Variants in MAML2 observed in about 807,000 individuals in gnomAD.
MAML2 encodes the protein mastermind like transcriptional coactivator 2, also known as mastermind-like protein 2.
In MAML2, 22 loss-of-function variants were observed where a neutral mutation model predicts 96.1. The ratio of observed to expected loss-of-function variants is 0.23; its 90% CI spans 0.16 to 0.33. The LOEUF (loss-of-function observed/expected upper bound fraction) is 0.33. Among genes scored for constraint, MAML2 ranks in the 10% least tolerant of loss-of-function variants. The probability of loss-of-function intolerance (pLI) is 1.00; values close to 1 mark genes in which losing one functional copy is unlikely to be tolerated. For synonymous variants in MAML2, 561 were observed against 521.3 expected (o/e 1.08, Z -1.04); for missense variants, 1,367 against 1,392.4 (o/e 0.98, Z 0.29).
intron 2 of MAML2, among the ~76,000 whole-genome samples, chr11:96,079,417 T>C (rs1200315245): frequency 6.6e-6 from 1 of 152,188 alleles, no homozygotes; most frequent in Non-Finnish European, 1.5e-5. Flanking sequence ...GTATTTAAGC[T>C]TTTTGGCTGA....
chr11:96,274,127 G>A (rs1256137548), intron 1 of MAML2, among the ~76,000 whole-genome samples: 1 of 141,172 alleles, frequency 7.1e-6, no homozygotes, highest in Non-Finnish European at 1.5e-5. Flanking sequence ...CTGTAGCTCA[G>A]GCTGGAGTGC....
At chr11:95,993,928 G>GTAT (rs1263172091) in intron 2 of MAML2, among the ~76,000 whole-genome samples, 1 of 152,158 alleles carries the variant, frequency 6.6e-6, no homozygotes, top group Admixed American at 6.6e-5. Flanking sequence ...GCAAGAACTT[G>GTAT]TATTATTAAC....
chr11:96,218,488 C>G (rs1278364098), intron 1 of MAML2, among the ~76,000 whole-genome samples: 1 of 152,042 alleles, frequency 6.6e-6, no homozygotes, highest in Non-Finnish European at 1.5e-5. Flanking sequence ...TATTTTAAGG[C>G]CAGAATTTCT....
intron 1 of MAML2, among the ~76,000 whole-genome samples, chr11:96,315,195 C>G (rs776728623): frequency 5.4e-5 from 8 of 147,192 alleles, no homozygotes; most frequent in African/African-American, 7.8e-5. Context: ...ATTCATGGTC[C>G]TAATGTAGAT....
chr11:96,316,434 T>G (rs1863634341), intron 1 of MAML2, among the ~76,000 whole-genome samples: 1 of 151,924 alleles, frequency 6.6e-6, no homozygotes, highest in African/African-American at 2.4e-5. Flanking sequence ...AGAAGAGTAA[T>G]CTCTTTAGGA....
chr11:96,163,423 A>G (rs1365429473), intron 1 of MAML2, among the ~76,000 whole-genome samples: 1 of 152,214 alleles, frequency 6.6e-6, no homozygotes, highest in African/African-American at 2.4e-5. Context: ...TTATACCCAC[A>G]ATATCATTCT....
chr11:96,299,060 A>AAAATATATATATATATATAT (rs55878534), intron 1 of MAML2, among the ~76,000 whole-genome samples: 75 of 56,296 alleles, frequency 1.3e-3, no homozygotes, highest in Admixed American at 2.0e-3. Context: ...AAAAAAAAAA[A>AAAATATATATATATATATAT]ATATATATAT....
At chr11:96,336,087 A>G (rs1863916759) in intron 1 of MAML2, among the ~76,000 whole-genome samples, 1 of 152,186 alleles carries the variant, frequency 6.6e-6, no homozygotes, top group South Asian at 2.1e-4. Context: ...TTGCAGATGA[A>G]AATACTGATG....
intron 1 of MAML2, among the ~76,000 whole-genome samples, chr11:96,150,953 C>T (rs572688020): frequency 2.0e-5 from 3 of 152,204 alleles, no homozygotes; most frequent in Non-Finnish European, 4.4e-5. Flanking sequence ...AAGCCCCTCC[C>T]TAGACCTACC....
chr11:96,322,290 G>C (rs931486871), intron 1 of MAML2, among the ~76,000 whole-genome samples: 2 of 152,114 alleles, frequency 1.3e-5, no homozygotes, highest in East Asian at 3.8e-4. Flanking sequence ...GCCTGAAAAT[G>C]GTAAGAGGTC....
rs77087656 is a variant in MAML2 at position 96,192,203 on chromosome 11, A to G, written c.514-98686T>C. Among the ~76,000 whole-genome samples, 1,319 of 152,272 alleles carry G rather than the reference A, an allele frequency of 8.7e-3. 48 individuals are homozygous for G. Among genetic ancestry groups the G allele is most frequent in the Admixed American group, 0.06 (925 of 15,298 alleles). On this transcript the variant is annotated intron_variant, in intron 1 of 4. Transcript: ENST00000524717. Reference sequence around the variant, plus strand: ...AACAGGGCTGGGAACCTGGGGCACTAAAACATGGTGGGTTGGATGGGCAGT... The same window carrying G: ...AACAGGGCTGGGAACCTGGGGCACTGAAACATGGTGGGTTGGATGGGCAGT...
chr11:96,119,681 C>G (rs2135842903), intron 1 of MAML2, among the ~76,000 whole-genome samples: 1 of 152,346 alleles, frequency 6.6e-6, no homozygotes, highest in African/African-American at 2.4e-5. Flanking sequence ...GTAAGCCTGG[C>G]TCTATTTACC....
chr11:96,224,654 G>A (rs1012681429), intron 1 of MAML2, among the ~76,000 whole-genome samples: 16 of 152,152 alleles, frequency 1.1e-4, no homozygotes, highest in Non-Finnish European at 1.8e-4. Context: ...CATCATCTCT[G>A]TTATACTCTC....
At chr11:96,171,484 C>A (rs1235189877) in intron 1 of MAML2, among the ~76,000 whole-genome samples, 1 of 152,084 alleles carries the variant, frequency 6.6e-6, no homozygotes, top group Non-Finnish European at 1.5e-5. Flanking sequence ...TCCCAGGGCC[C>A]CAGTAAAATG....
At chr11:96,255,715 G>T (rs141514163) in intron 1 of MAML2, among the ~76,000 whole-genome samples, 1 of 152,054 alleles carries the variant, frequency 6.6e-6, no homozygotes, top group Non-Finnish European at 1.5e-5. Flanking sequence ...TCCAGATGAG[G>T]GAATGACAAA....
intron 1 of MAML2, among the ~76,000 whole-genome samples, chr11:96,331,172 G>C (rs904510233): frequency 3.9e-5 from 6 of 151,976 alleles, no homozygotes; most frequent in African/African-American, 4.8e-5. Context: ...TCAGAAGGCT[G>C]GCGGGGAGGA....
At chr11:96,133,121 T>C (rs910024846) in intron 1 of MAML2, among the ~76,000 whole-genome samples, 2 of 152,206 alleles carry the variant, frequency 1.3e-5, no homozygotes, top group Non-Finnish European at 1.5e-5. Context: ...CGCCCTCAAG[T>C]AGGCTTTCCT....
intron 1 of MAML2, among the ~76,000 whole-genome samples, chr11:96,232,728 C>A (rs532491522): frequency 6.6e-6 from 1 of 152,272 alleles, no homozygotes; most frequent in African/African-American, 2.4e-5. Flanking sequence ...ATCTCAGCCT[C>A]CCAAAGTGCT....
chr11:96,287,555 T>C (rs1863156895), intron 1 of MAML2, among the ~76,000 whole-genome samples: 2 of 152,266 alleles, frequency 1.3e-5, no homozygotes, highest in Admixed American at 6.5e-5. Flanking sequence ...AAATGTATTA[T>C]AGAGACATCT....
Sources: allele counts gnomAD v4.1 joint callset (sites outside exome capture counted in the v4.1 genomes callset), GRCh38; gene constraint gnomAD v4.1.1; transcripts MANE v1.5; gene names NCBI Gene and HGNC (gene_info 2026-07-23, HGNC 2026-07-21).